Variants in KCNK12 observed in about 807,000 individuals in gnomAD.
KCNK12 encodes potassium two pore domain channel subfamily K member 12.
In KCNK12, 6 loss-of-function variants were observed where a neutral mutation model predicts 25.3. The observed-to-expected ratio is 0.24, with a 90% CI of 0.13 to 0.47. The LOEUF (loss-of-function observed/expected upper bound fraction) is 0.47. Among genes scored for constraint, KCNK12 ranks in the 20% least tolerant of loss-of-function variants. KCNK12 has a pLI of 0.99. For missense variants in KCNK12, 444 were observed against 661.7 expected (o/e 0.67, Z 3.61); for synonymous variants, 331 against 311.1 (o/e 1.06, Z -0.67).
chr2:47,541,978 TAGC>T (rs908359477), intron 1 of KCNK12, among the ~76,000 whole-genome samples: 2 of 152,214 alleles, frequency 1.3e-5, no homozygotes, highest in South Asian at 2.1e-4. Flanking sequence ...CTGTTTTCTG[TAGC>T]AGCAGCAGCA....
At position 47,565,804 on chromosome 2, in the gene KCNK12, G is replaced by C. The variant is rs886556583; in HGVS notation, c.391+4137C>G. 5.3e-5 allele frequency: 8 copies of C among 152,132 alleles called. No homozygotes were observed. The highest frequency in any genetic ancestry group is 1.9e-4 in the African/African-American group (8 of 41,422). The allele number at this position is 152,132 out of a possible 1,614,324, so 9.4% of individuals were successfully genotyped here. A position where few individuals can be genotyped will look rare whatever the true frequency, so the allele number is the denominator to read the frequency against. On this transcript the variant is annotated intron_variant, in intron 1 of 1. Coordinates refer to ENST00000327876, the MANE Select transcript of KCNK12 (RefSeq NM_022055.2). This position sits in a 1 kb window ranked among gnomAD's most constrained non-coding sequence, Gnocchi z 5.0. ...ATACTGTCTTCAAGAATATTGTTTCGTGCTAAAAGAACACAAGACAGTTAT... is the reference window on the plus strand; with the variant it reads ...ATACTGTCTTCAAGAATATTGTTTCCTGCTAAAAGAACACAAGACAGTTAT...
rs932632807 is a variant in KCNK12 at position 47,511,191 on chromosome 2, G to T, written c.*9716C>A. The stretch of plus-strand genomic sequence containing the variant: ...ATCTGGCTTTTGCTTGAATTAGCTA[G>T]TGAATTGCTGTGTGGCCTCCTTACT... On this transcript the variant is annotated 3_prime_UTR_variant, in exon 2 of 2. Transcript: ENST00000327876. The surrounding 1 kb of genome is among the most constrained non-coding windows in gnomAD (Gnocchi z 4.3). Among the ~76,000 whole-genome samples, 4 of 152,154 alleles carry T rather than the reference G, an allele frequency of 2.6e-5. No individual in the cohort carries two copies. Among genetic ancestry groups the T allele is most frequent in the Admixed American group, 2.6e-4 (4 of 15,276 alleles).
rs986420581 is a variant in KCNK12, at chr2:47,516,760, T to G, written c.*4147A>C. ...ATTTGTAAAGCAAGGGGGAGCTTCCTTAGGGAAGAAGGGGAAGGGGAAGAG... is the reference window on the plus strand; with the variant it reads ...ATTTGTAAAGCAAGGGGGAGCTTCCGTAGGGAAGAAGGGGAAGGGGAAGAG... On this transcript the variant is annotated 3_prime_UTR_variant, in exon 2 of 2. Coordinates refer to ENST00000327876, the MANE Select transcript of KCNK12 (RefSeq NM_022055.2). 1.3e-5 allele frequency: 2 copies of G among 152,248 alleles called. No individual in the cohort carries two copies. The highest frequency in any genetic ancestry group is 4.8e-5 in the African/African-American group (2 of 41,428). 9.4% of individuals were successfully genotyped at this position (152,248 alleles called of 1,614,324 possible).
At position 47,570,289 on chromosome 2, in the gene KCNK12, G is replaced by T. The variant is rs1669865071; in HGVS notation, c.43C>A (p.Arg15Ser). 2.9e-6 allele frequency: 4 copies of T among 1,376,598 alleles called. No homozygotes were observed. Among genetic ancestry groups the T allele is most frequent in the South Asian group, 1.6e-5 (1 of 62,306 alleles). The allele number at this position is 1,376,598 out of a possible 1,614,324, so 85.3% of individuals were successfully genotyped here. The change falls in exon 1 of 2, where the codon CGC becomes AGC. Residue 15 changes from arginine to serine, a missense_variant. By Grantham distance (110) the Arg-to-Ser change is moderately radical. Transcript: ENST00000327876. ...SPRPPPRRSRRRLPRPSCCCC... is the reference protein window; with the variant it reads ...SPRPPPRRSRSRLPRPSCCCC... The stretch of plus-strand genomic sequence containing the variant: ...CAGCAGGAGGGGCGCGGCAGGCGGC[G>T]GCGGCTACGGCGGGGCGGGGGCCGG...
rs1052477261 is a variant in KCNK12 at position 47,557,676 on chromosome 2, C to T, written c.391+12265G>A. ...TCAAGGAGCTTTGTAAGGCAATTTC[C>T]GTATGTTAGGCATACAATCCAATCT... On this transcript the variant is annotated intron_variant, in intron 1 of 1. Transcript: ENST00000327876. This position sits in a 1 kb window ranked among gnomAD's most constrained non-coding sequence, Gnocchi z 4.9. 6.6e-6 allele frequency among the ~76,000 whole-genome samples: 1 copy of T among 152,140 alleles called. No individual in the cohort carries two copies. The highest frequency in any genetic ancestry group is 1.5e-5 in the Non-Finnish European group (1 of 68,038).
At chr2:47,541,643 A>T (rs1669202086) in intron 1 of KCNK12, among the ~76,000 whole-genome samples, 2 of 152,182 alleles carry the variant, frequency 1.3e-5, no homozygotes, top group Admixed American at 1.3e-4. Flanking sequence ...GAATCAAGGT[A>T]AAACGAGGCC....
chr2:47,523,294 A>C (rs1218436441), intron 1 of KCNK12, among the ~76,000 whole-genome samples: 1 of 152,170 alleles, frequency 6.6e-6, no homozygotes, highest in Non-Finnish European at 1.5e-5. Context: ...AGAGTAGTCC[A>C]CCCACACCCT....
chr2:47,535,013 C>G (rs529635204), intron 1 of KCNK12: 11 of 227,458 alleles, frequency 4.8e-5, no homozygotes, highest in African/African-American at 2.0e-4. Flanking sequence ...GAGCTACAAG[C>G]CACATCTGGG....
Position 47,512,207 on chromosome 2 carries a change from TG to T in KCNK12, c.*8699del, listed in dbSNP as rs1343491302. 90 of 1,434,986 alleles carry T rather than the reference TG, an allele frequency of 6.3e-5. No homozygotes were observed. The highest frequency in any genetic ancestry group is 8.1e-5 in the Non-Finnish European group (85 of 1,055,404). The allele number at this position is 1,434,986 out of a possible 1,614,324, so 88.9% of individuals were successfully genotyped here. ...AAAGAATTGAACAAACTGTCTAAGC[TG>T]GGTCAGGTACTCTGCAGATGTTTGC... is the stretch of plus-strand genomic sequence containing the variant. On this transcript the variant is annotated 3_prime_UTR_variant, in exon 2 of 2. Transcript: ENST00000327876.
rs1668564237 is a variant in KCNK12 at position 47,517,994 on chromosome 2, T to G, written c.*2913A>C. The G allele has an allele frequency of 6.6e-6, 1 of 152,098 alleles. No homozygotes were observed. The highest frequency in any genetic ancestry group is 3.1e-3 in the Middle Eastern group (1 of 318). The allele number at this position is 152,098 out of a possible 1,614,324, so 9.4% of individuals were successfully genotyped here. Reference sequence around the variant, plus strand: ...AGTGAGCTACCAGTGGTGTGCAAACTGGAGACCCCCAAGACAGTGAGAGAG... The same window carrying G: ...AGTGAGCTACCAGTGGTGTGCAAACGGGAGACCCCCAAGACAGTGAGAGAG... On this transcript the variant is annotated 3_prime_UTR_variant, in exon 2 of 2. Transcript: ENST00000327876. The surrounding 1 kb of genome is among the most constrained non-coding windows in gnomAD (Gnocchi z 4.1).
intron 1 of KCNK12, among the ~76,000 whole-genome samples, chr2:47,535,877 C>T (rs569205423): frequency 3.3e-5 from 5 of 152,212 alleles, no homozygotes; most frequent in African/African-American, 1.2e-4. Context: ...AGACCCTGTG[C>T]GATAGAAGGA....
intron 1 of KCNK12, among the ~76,000 whole-genome samples, chr2:47,524,752 TAGTG>T (rs1428749400): frequency 3.3e-5 from 5 of 152,166 alleles, no homozygotes; most frequent in Non-Finnish European, 7.3e-5. Context: ...TTTGTACTCA[TAGTG>T]AGAAAAAAAT....
intron 1 of KCNK12, chr2:47,564,879 G>C (rs932991447): frequency 3.3e-5 from 5 of 152,330 alleles, no homozygotes; most frequent in African/African-American, 1.2e-4. Flanking sequence ...TAGTTGATGA[G>C]ACTGGGCATG....
chr2:47,531,270 C>T (rs949473458), intron 1 of KCNK12, among the ~76,000 whole-genome samples: 1 of 152,036 alleles, frequency 6.6e-6, no homozygotes, highest in African/African-American at 2.4e-5. Context: ...CCCAGGAGTT[C>T]AAGACCAGCC....
At chr2:47,546,124 G>T (rs1669308717) in intron 1 of KCNK12, among the ~76,000 whole-genome samples, 1 of 152,174 alleles carries the variant, frequency 6.6e-6, no homozygotes, top group African/African-American at 2.4e-5. Context: ...GCTTCCTAGG[G>T]TCTAGAACTG....
rs1669573722 is a variant in KCNK12, at chr2:47,557,491, A to AGACCAAGACAAGCTAAAATTCAT, written c.391+12427_391+12449dup. 6.6e-6 allele frequency among the ~76,000 whole-genome samples: 1 copy of AGACCAAGACAAGCTAAAATTCAT among 152,264 alleles called. No homozygotes were observed. Among genetic ancestry groups the AGACCAAGACAAGCTAAAATTCAT allele is most frequent in the Admixed American group, 6.5e-5 (1 of 15,284 alleles). ...ATATTCTGTTATGGAAGCAGAAAAC[A>AGACCAAGACAAGCTAAAATTCAT]GACCAAGACAAGCTAAAATTCATAC... On this transcript the variant is annotated intron_variant, in intron 1 of 1. Transcript: ENST00000327876. This position sits in a 1 kb window ranked among gnomAD's most constrained non-coding sequence, Gnocchi z 4.9.
intron 1 of KCNK12, among the ~76,000 whole-genome samples, chr2:47,539,728 C>T (rs1049909817): frequency 3.9e-5 from 6 of 152,134 alleles, no homozygotes; most frequent in African/African-American, 1.2e-4. Flanking sequence ...CGCCAGACTG[C>T]GAAGGGCTGC....
At chr2:47,554,586 C>CA (rs1669512995) in intron 1 of KCNK12, among the ~76,000 whole-genome samples, 1 of 152,164 alleles carries the variant, frequency 6.6e-6, no homozygotes, top group African/African-American at 2.4e-5. Context: ...AAAGCAGTGC[C>CA]AGTGAGGCTA....
rs1669765831 is a variant in KCNK12 at position 47,565,196 on chromosome 2, C to G, written c.391+4745G>C. On this transcript the variant is annotated intron_variant, in intron 1 of 1. Transcript: ENST00000327876. This position sits in a 1 kb window ranked among gnomAD's most constrained non-coding sequence, Gnocchi z 5.0. ...AAAAAAAAAGTTGATGAGAGAAATA[C>G]GCAAGGAAGGATGCGCCTCTCCTTC... 6.6e-6 allele frequency: 1 copy of G among 152,040 alleles called. No individual in the cohort carries two copies. Among genetic ancestry groups the G allele is most frequent in the Admixed American group, 6.5e-5 (1 of 15,274 alleles). 9.4% of individuals were successfully genotyped at this position (152,040 alleles called of 1,614,324 possible). A position where few individuals can be genotyped will look rare whatever the true frequency, so the allele number is the denominator to read the frequency against.
Sources: gnomAD v4.1 joint callset for allele counts (sites outside exome capture counted in the v4.1 genomes callset) on GRCh38, gnomAD v4.1.1 for gene constraint, Gnocchi (gnomAD v3.1) non-coding constraint, MANE v1.5 for transcripts, NCBI Gene and HGNC (gene_info 2026-07-23, HGNC 2026-07-21) for gene names.